The following DYRK3 variants were observed in gnomAD, a reference collection of about 807,000 sequenced individuals.
The protein encoded by DYRK3 is dual specificity tyrosine phosphorylation regulated kinase 3, also known as dual specificity tyrosine-phosphorylation-regulated kinase 3.
DYRK3 carries 30 observed loss-of-function variants against 40.8 expected under a neutral mutation model. The observed-to-expected ratio is 0.74, with a 90% confidence interval of 0.55 to 1.00. DYRK3 has a LOEUF of 1.00. Among genes scored for constraint, DYRK3 ranks in the 50% least tolerant of loss-of-function variants. DYRK3 has a pLI of 0.00. For synonymous variants in DYRK3, 272 were observed against 260.7 expected, an observed-to-expected ratio of 1.04 and a Z score of -0.42; for missense variants, 699 against 731.5, an observed-to-expected ratio of 0.96 and a Z score of 0.51.
chr1:206,647,421 C>G lies in DYRK3; in HGVS notation c.223C>G (p.Gln75Glu), dbSNP rs1427621455. Residue 75 changes from glutamine to glutamate, a missense_variant, in exon 3 of 3, where the codon CAG (glutamine) becomes GAG (glutamate). Physicochemically the swap from Gln to Glu is conservative, Grantham distance 29. Coordinates refer to ENST00000367109, the MANE Select transcript of DYRK3 (RefSeq NM_003582.4). ...TTEQFTGDHT[Q>E]HFLDGGEMKV... ...TGAGCAGTTTACAGGAGATCATACT[C>G]AGCACTTTTTGGATGGAGGTGAGAT... is the stretch of plus-strand genomic sequence containing the variant. 1 of 1,613,630 alleles carries G rather than the reference C, an allele frequency of 6.2e-7. No homozygotes were observed. The highest frequency in any genetic ancestry group is 8.5e-7 in the Non-Finnish European group (1 of 1,179,752).
rs1671713621 is a variant in DYRK3 at position 206,654,849 on chromosome 1, T to A, written c.*5884T>A. Among the ~76,000 whole-genome samples, 1 of 152,224 alleles carries A rather than the reference T, an allele frequency of 6.6e-6. No individual in the cohort carries two copies. Among genetic ancestry groups the A allele is most frequent in the Non-Finnish European group, 1.5e-5 (1 of 68,040 alleles). On this transcript the variant is annotated 3_prime_UTR_variant, in exon 3 of 3. Transcript: ENST00000367109. ...TCGCTAAGTCAAGCCTAGACTCTAA[T>A]ATTTTTCTATAACAGGAGAAGCCTC... is the stretch of plus-strand genomic sequence containing the variant.
rs1456986344 is a variant in DYRK3 at position 206,653,151 on chromosome 1, G to A, written c.*4186G>A. On this transcript the variant is annotated 3_prime_UTR_variant, in exon 3 of 3. Transcript: ENST00000367109. ...TCCCATCTCAACCTCCAGAGTAACT[G>A]GGACTACAGTCACGTGCTACCATGC... is the stretch of plus-strand genomic sequence containing the variant. Among the ~76,000 whole-genome samples, 1 of 152,056 alleles carries A rather than the reference G, an allele frequency of 6.6e-6. No homozygotes were observed. Among genetic ancestry groups the A allele is most frequent in the African/African-American group, 2.4e-5 (1 of 41,396 alleles).
intron 1 of DYRK3, among the ~76,000 whole-genome samples, chr1:206,637,264 G>A (rs1553418523): frequency 6.6e-6 from 1 of 152,196 alleles, no homozygotes; most frequent in East Asian, 1.9e-4. Flanking sequence ...TAGAATCCAA[G>A]TCTCTGACTT....
chr1:206,640,172 G>A (rs1671246028), intron 2 of DYRK3, among the ~76,000 whole-genome samples: 1 of 151,824 alleles, frequency 6.6e-6, no homozygotes, highest in African/African-American at 2.4e-5. Flanking sequence ...CTGACCTCAG[G>A]TCATCCACCC....
Position 206,654,199 on chromosome 1 carries a change from C to T in DYRK3, c.*5234C>T, listed in dbSNP as rs1377650456. Among the ~76,000 whole-genome samples the T allele has an allele frequency of 6.6e-6, 1 of 152,194 alleles. No homozygotes were observed. The highest frequency in any genetic ancestry group is 6.5e-5 in the Admixed American group (1 of 15,278). The stretch of plus-strand genomic sequence containing the variant: ...TTCCATCTGTTATTGATGTCATCAA[C>T]ACGGAAGTTGGAAAGGTGACAATGA... On this transcript the variant is annotated 3_prime_UTR_variant, in exon 3 of 3. Coordinates refer to ENST00000367109, the MANE Select transcript of DYRK3 (RefSeq NM_003582.4).
In DYRK3 at chr1:206,635,717, C is replaced by G. The variant is rs1383578274; in HGVS notation, c.14C>G (p.Ala5Gly). 1.3e-5 allele frequency: 16 copies of G among 1,247,498 alleles called. No individual in the cohort carries two copies. The Admixed American group carries it at 2.5e-4, about 20-fold the overall frequency. The allele number at this position is 1,247,498 out of a possible 1,614,324, so 77.3% of individuals were successfully genotyped here. MGGT[A>G]RGPGRKDAGP... ...CCGAGCTAGGAGATGGGAGGCACAG[C>G]TCGTGGGCCTGGGCGGAAGGATGCG... is the stretch of plus-strand genomic sequence containing the variant. Residue 5 changes from alanine (A) to glycine (G), a missense_variant, in exon 1 of 3, where the codon GCT becomes GGT. Ala to Gly is a moderately conservative substitution (Grantham distance 60). Transcript: ENST00000367109.
In DYRK3 at chr1:206,637,288, C is replaced by A. The variant is rs566173052; in HGVS notation, c.78-362C>A. On this transcript the variant is annotated intron_variant, in intron 1 of 2. Coordinates refer to ENST00000367109, the MANE Select transcript of DYRK3 (RefSeq NM_003582.4). ...AGTCTCTGACTTGAGAAACTATTAC[C>A]TCTGTTAGTTTTTTCTGGTCTGTTT... Among the ~76,000 whole-genome samples, 6 of 152,320 alleles carry A rather than the reference C, an allele frequency of 3.9e-5. No homozygotes were observed. In the South Asian group the frequency reaches 1.2e-3, roughly 32 times the overall value.
At position 206,654,921 on chromosome 1, in the gene DYRK3, G is replaced by A. The variant is rs1441699171; in HGVS notation, c.*5956G>A. On this transcript the variant is annotated 3_prime_UTR_variant, in exon 3 of 3. Transcript: ENST00000367109. ...CACATCTTCTGCCACCACATGAATAGACTAAAAAGAAAGGAGAGTCCCACA... is the reference window on the plus strand; with the variant it reads ...CACATCTTCTGCCACCACATGAATAAACTAAAAAGAAAGGAGAGTCCCACA... 6.6e-6 allele frequency among the ~76,000 whole-genome samples: 1 copy of A among 152,152 alleles called. No individual in the cohort carries two copies. The highest frequency in any genetic ancestry group is 1.5e-5 in the Non-Finnish European group (1 of 68,030).
At chr1:206,646,401 G>T (rs868931711) in intron 2 of DYRK3, among the ~76,000 whole-genome samples, 2 of 152,034 alleles carry the variant, frequency 1.3e-5, no homozygotes, top group Middle Eastern at 3.2e-3. Flanking sequence ...GCTTTTTTCT[G>T]TGGGTCAGTA....
At position 206,637,745 on chromosome 1, in the gene DYRK3, C is replaced by T. The variant is rs1553418605; in HGVS notation, c.173C>T (p.Pro58Leu). The change falls in exon 2 of 3, where the codon CCA becomes CTA. Residue 58 changes from proline (P) to leucine (L), a missense_variant. Coordinates refer to ENST00000367109, the MANE Select transcript of DYRK3 (RefSeq NM_003582.4). ...CTCTGCAATCCTTCTGAACCACCTC[C>T]ACCCAGAAGACTAAATGTAAGTAAA... is the stretch of plus-strand genomic sequence containing the variant. ...NVLCNPSEPPPPRRLNMTTEQ... is the reference protein window; with the variant it reads ...NVLCNPSEPPLPRRLNMTTEQ... 1 of 1,612,498 alleles carries T rather than the reference C, an allele frequency of 6.2e-7. No individual in the cohort carries two copies. Among genetic ancestry groups the T allele is most frequent in the South Asian group, 1.1e-5 (1 of 91,008 alleles).
Position 206,647,808 on chromosome 1 carries a change from C to T in DYRK3, c.610C>T (p.His204Tyr). ...DGAYIHVPRDHLAYRYEVLKI... is the reference protein window; with the variant it reads ...DGAYIHVPRDYLAYRYEVLKI... ...GGCCTATATTCATGTACCTCGAGAC[C>T]ATCTAGCTTATCGATATGAGGTGCT... Residue 204 changes from histidine (H) to tyrosine (Y), a missense_variant, in exon 3 of 3, where the codon CAT becomes TAT. Physicochemically the swap from His to Tyr is moderately conservative, Grantham distance 83. Transcript: ENST00000367109. The T allele has an allele frequency of 6.2e-7, 1 of 1,614,030 alleles. No homozygotes were observed. The highest frequency in any genetic ancestry group is 8.5e-7 in the Non-Finnish European group (1 of 1,180,006).
Position 206,647,681 on chromosome 1 carries a change from A to T in DYRK3, c.483A>T (p.Glu161Asp), listed in dbSNP as rs782644771. ...KHHLTAYEKL[E>D]IINYPEIYFV... ...ACCTCACTGCCTATGAGAAACTGGAAATAATTAATTATCCAGAAATTTACT... is the reference window on the plus strand; with the variant it reads ...ACCTCACTGCCTATGAGAAACTGGATATAATTAATTATCCAGAAATTTACT... Residue 161 changes from glutamate (E) to aspartate (D), a missense_variant, in exon 3 of 3, where the codon GAA (glutamate) becomes GAT (aspartate). Glu to Asp is a conservative substitution (Grantham distance 45). Transcript: ENST00000367109. 6.2e-7 allele frequency: 1 copy of T among 1,614,218 alleles called. No individual in the cohort carries two copies. Among genetic ancestry groups the T allele is most frequent in the Non-Finnish European group, 8.5e-7 (1 of 1,180,024 alleles).
In DYRK3 at chr1:206,651,489, C is replaced by T. The variant is rs1553421328; in HGVS notation, c.*2524C>T. ...GGAAGTAGTACAGCATGATTGAATC[C>T]TTCTTCAGTGAATCTTTTCATTGTA... is the stretch of plus-strand genomic sequence containing the variant. On this transcript the variant is annotated 3_prime_UTR_variant, in exon 3 of 3. Coordinates refer to ENST00000367109, the MANE Select transcript of DYRK3 (RefSeq NM_003582.4). Among the ~76,000 whole-genome samples the T allele has an allele frequency of 1.3e-5, 2 of 152,164 alleles. No homozygotes were observed. The highest frequency in any genetic ancestry group is 4.8e-5 in the African/African-American group (2 of 41,446).
chr1:206,654,186 T>C lies in DYRK3; in HGVS notation c.*5221T>C, dbSNP rs1553421617. Among the ~76,000 whole-genome samples, 2 of 152,262 alleles carry C rather than the reference T, an allele frequency of 1.3e-5. No homozygotes were observed. The highest frequency in any genetic ancestry group is 4.8e-5 in the African/African-American group (2 of 41,474). ...TTAATTATTTCTTTTCCATCTGTTA[T>C]TGATGTCATCAACACGGAAGTTGGA... On this transcript the variant is annotated 3_prime_UTR_variant, in exon 3 of 3. Coordinates refer to ENST00000367109, the MANE Select transcript of DYRK3 (RefSeq NM_003582.4).
In DYRK3 at chr1:206,648,725, C is replaced by T; in HGVS notation, c.1527C>T (p.Ala509=). The part of the protein sequence containing the change: ...LKRCLHWDPS[A]RLTPAQALRH... ...GGTGTCTTCACTGGGACCCCTCTGC[C>T]CGCTTGACCCCAGCTCAAGCATTAA... Residue 509 remains alanine, a synonymous_variant, in exon 3 of 3, where the codon GCC becomes GCT. Transcript: ENST00000367109. The T allele has an allele frequency of 1.2e-6, 2 of 1,613,978 alleles. No individual in the cohort carries two copies. Among genetic ancestry groups the T allele is most frequent in the Non-Finnish European group, 1.7e-6 (2 of 1,179,912 alleles).
chr1:206,636,885 A>C, intron 1 of DYRK3: 1 of 1,608,846 alleles, frequency 6.2e-7, no homozygotes, highest in Non-Finnish European at 8.5e-7. Flanking sequence ...TGGTGGAGCC[A>C]CAGTGTTAAA....
At position 206,651,719 on chromosome 1, in the gene DYRK3, C is replaced by T. The variant is rs1385587395; in HGVS notation, c.*2754C>T. On this transcript the variant is annotated 3_prime_UTR_variant, in exon 3 of 3. Coordinates refer to ENST00000367109, the MANE Select transcript of DYRK3 (RefSeq NM_003582.4). Reference sequence around the variant, plus strand: ...GTTTCCTTGAAGTCCAGAGCAGGATCCAAGTCAGATGAAGGAGGTGGCACA... The same window carrying T: ...GTTTCCTTGAAGTCCAGAGCAGGATTCAAGTCAGATGAAGGAGGTGGCACA... 6.6e-6 allele frequency among the ~76,000 whole-genome samples: 1 copy of T among 152,154 alleles called. No homozygotes were observed. Among genetic ancestry groups the T allele is most frequent in the East Asian group, 1.9e-4 (1 of 5,200 alleles).
At chr1:206,635,940 A>G in intron 1 of DYRK3, 160 bp downstream of exon 1, 4 of 1,319,096 alleles carry the variant, frequency 3.0e-6, no homozygotes, top group Admixed American at 3.5e-5. Context: ...CCTCCTCTCT[A>G]TCAGGGCCCC....
Position 206,648,727 on chromosome 1 carries a change from G to T in DYRK3, c.1529G>T (p.Arg510Leu), listed in dbSNP as rs782388724. ...KRCLHWDPSA[R>L]LTPAQALRHP... ...TGTCTTCACTGGGACCCCTCTGCCC[G>T]CTTGACCCCAGCTCAAGCATTAAGA... Residue 510 changes from arginine (R) to leucine (L), a missense_variant, in exon 3 of 3, where the codon CGC becomes CTC. Physicochemically the swap from Arg to Leu is moderately radical, Grantham distance 102 (BLOSUM62 -2). Coordinates refer to ENST00000367109, the MANE Select transcript of DYRK3 (RefSeq NM_003582.4). 3 of 1,613,800 alleles carry T rather than the reference G, an allele frequency of 1.9e-6. No individual in the cohort carries two copies. Among genetic ancestry groups the T allele is most frequent in the African/African-American group, 1.3e-5 (1 of 74,886 alleles).
Sources: allele counts gnomAD v4.1 joint callset (sites outside exome capture counted in the v4.1 genomes callset), GRCh38; gene constraint gnomAD v4.1.1; transcripts MANE v1.5; gene names NCBI Gene and HGNC (gene_info 2026-07-23, HGNC 2026-07-21).